The following TNIK variants were observed in gnomAD, a reference collection of about 807,000 sequenced individuals.
The protein encoded by TNIK is TRAF2 and NCK-interacting protein kinase.
TNIK carries 49 observed loss-of-function variants against 191.3 expected under a neutral mutation model. The observed-to-expected ratio is 0.26, with a 90% confidence interval of 0.20 to 0.32. The LOEUF (loss-of-function observed/expected upper bound fraction) is 0.32. Ranked by LOEUF, TNIK falls within the 10% of genes least tolerant of loss-of-function variation. The pLI, the probability that TNIK is intolerant of heterozygous loss-of-function variation, is 1.00. For missense variants in TNIK, 1,155 were observed against 1,702.3 expected, an observed-to-expected ratio of 0.68 and a Z score of 5.66; for synonymous variants, 594 against 600.9, an observed-to-expected ratio of 0.99 and a Z score of 0.17.
intron 1 of TNIK, among the ~76,000 whole-genome samples, chr3:171,372,950 C>A (rs1559988976): frequency 6.6e-6 from 1 of 152,106 alleles, no homozygotes; most frequent in Non-Finnish European, 1.5e-5. Context: ...CTCTTTGAAA[C>A]CCTAGATATG....
chr3:171,416,794 A>G (rs868681384), intron 1 of TNIK, among the ~76,000 whole-genome samples: 1 of 152,200 alleles, frequency 6.6e-6, no homozygotes, highest in African/African-American at 2.4e-5. Context: ...TATGAAAACT[A>G]TATTTCCTAG....
At chr3:171,110,936 C>A (rs1725762993) in intron 18 of TNIK, 59 bp from the exon 19 acceptor site, 3 of 1,467,596 alleles carry the variant, frequency 2.0e-6, no homozygotes, top group Non-Finnish European at 2.7e-6. Context: ...TTTTGCAGAT[C>A]ACATATCTGA....
At chr3:171,170,878 G>A (rs905881002) in intron 9 of TNIK, among the ~76,000 whole-genome samples, 1 of 152,216 alleles carries the variant, frequency 6.6e-6, no homozygotes, top group Non-Finnish European at 1.5e-5. Context: ...TAGCAAGACG[G>A]TCTCTTTATA....
At chr3:171,202,845 G>C (rs917574463) in intron 4 of TNIK, among the ~76,000 whole-genome samples, 1 of 152,118 alleles carries the variant, frequency 6.6e-6, no homozygotes, top group Non-Finnish European at 1.5e-5. Context: ...TACCATGTTA[G>C]GCATATCTAT....
intron 2 of TNIK, among the ~76,000 whole-genome samples, chr3:171,319,511 G>C (rs1754967029): frequency 2.0e-5 from 3 of 151,820 alleles, no homozygotes; most frequent in Non-Finnish European, 4.4e-5. Context: ...AAGATTTGGG[G>C]GAAAAAAAAA....
chr3:171,164,177 C>T (rs556053409), intron 10 of TNIK, among the ~76,000 whole-genome samples: 6 of 152,198 alleles, frequency 3.9e-5, no homozygotes, highest in Non-Finnish European at 7.3e-5. Context: ...AAGAATCTTA[C>T]TTTTCCACTC....
intron 2 of TNIK, among the ~76,000 whole-genome samples, chr3:171,283,009 C>T (rs1319123277): frequency 1.3e-5 from 2 of 152,126 alleles, no homozygotes; most frequent in African/African-American, 4.8e-5. Context: ...ACCTATTAGT[C>T]CCTTTCCATG....
intron 2 of TNIK, among the ~76,000 whole-genome samples, chr3:171,235,640 G>T (rs911861014): frequency 2.6e-5 from 4 of 152,088 alleles, no homozygotes; most frequent in African/African-American, 4.8e-5. Flanking sequence ...AAAACAAGAG[G>T]TATTCAACTT....
chr3:171,276,148 T>C (rs1243063644), intron 2 of TNIK, among the ~76,000 whole-genome samples: 6 of 152,170 alleles, frequency 3.9e-5, no homozygotes, highest in Non-Finnish European at 8.8e-5. Flanking sequence ...ATATTCATCC[T>C]AATCATCAAC....
At chr3:171,287,989 T>TA (rs993034900) in intron 2 of TNIK, among the ~76,000 whole-genome samples, 6 of 150,546 alleles carry the variant, frequency 4.0e-5, no homozygotes, top group Non-Finnish European at 7.4e-5. Context: ...TATGCAGCCA[T>TA]AAAAAATGAT....
intron 28 of TNIK, among the ~76,000 whole-genome samples, chr3:171,076,654 C>A (rs951148857): frequency 4.6e-5 from 7 of 152,160 alleles, no homozygotes; most frequent in Admixed American, 4.6e-4. Flanking sequence ...ACAAGTCTTA[C>A]AGGTACCTAT....
At chr3:171,195,576 T>C (rs1738581936) in intron 4 of TNIK, among the ~76,000 whole-genome samples, 2 of 150,186 alleles carry the variant, frequency 1.3e-5, no homozygotes, top group South Asian at 4.3e-4. Flanking sequence ...CAGCACTATG[T>C]TTCCAGGTCC....
intron 7 of TNIK, among the ~76,000 whole-genome samples, chr3:171,179,986 G>A (rs544360752): frequency 1.2e-4 from 18 of 152,226 alleles, no homozygotes; most frequent in South Asian, 2.1e-4. Context: ...TTTCTATAGC[G>A]TGAAATAAGA....
intron 27 of TNIK, among the ~76,000 whole-genome samples, chr3:171,080,439 ATTTATTTT>A (rs898210327): frequency 7.5e-5 from 11 of 147,616 alleles, no homozygotes; most frequent in Non-Finnish European, 1.0e-4. Context: ...TTATTTATTT[ATTTATTTT>A]TTTTTGAGAC....
intron 2 of TNIK, among the ~76,000 whole-genome samples, chr3:171,230,576 CTGTT>C: frequency 1.3e-5 from 2 of 152,170 alleles, no homozygotes; most frequent in East Asian, 3.9e-4. Flanking sequence ...TGAGAACAAA[CTGTT>C]TGCGCTTCTG....
chr3:171,310,353 A>G (rs1187230369), intron 2 of TNIK, among the ~76,000 whole-genome samples: 1 of 152,154 alleles, frequency 6.6e-6, no homozygotes, highest in African/African-American at 2.4e-5. Context: ...ACCCACCAAG[A>G]TTATGAGATT....
intron 10 of TNIK, among the ~76,000 whole-genome samples, chr3:171,165,810 T>C (rs1734545729): frequency 6.6e-6 from 1 of 152,124 alleles, no homozygotes; most frequent in Admixed American, 6.5e-5. Flanking sequence ...TCACACTGCC[T>C]TTCACTGCTA....
chr3:171,319,413 C>T (rs1263593692), intron 2 of TNIK, among the ~76,000 whole-genome samples: 1 of 151,956 alleles, frequency 6.6e-6, no homozygotes, highest in Non-Finnish European at 1.5e-5. Flanking sequence ...GTGTTTTTCC[C>T]CTTACTGATA....
intron 2 of TNIK, among the ~76,000 whole-genome samples, chr3:171,307,920 G>A (rs148875438): frequency 6.6e-6 from 1 of 152,248 alleles, no homozygotes; most frequent in East Asian, 1.9e-4. Context: ...TCACTCTGCA[G>A]CTAATGAAAT....
Sources: allele counts gnomAD v4.1 joint callset (sites outside exome capture counted in the v4.1 genomes callset), GRCh38; gene constraint gnomAD v4.1.1; transcripts MANE v1.5; gene names NCBI Gene and HGNC (gene_info 2026-07-23, HGNC 2026-07-21).